SRPK2: variants seen among roughly 807,000 people sequenced by gnomAD.
The protein encoded by SRPK2 is SFRS protein kinase 2.
A neutral mutation model predicts 90.8 loss-of-function variants in SRPK2; 21 were observed. The ratio of observed to expected loss-of-function variants is 0.23; its 90% CI spans 0.16 to 0.33. The LOEUF is 0.33. Among genes scored for constraint, SRPK2 ranks in the 10% least tolerant of loss-of-function variants. SRPK2 has a pLI of 1.00. For synonymous variants in SRPK2, 288 were observed against 311.1 expected (o/e 0.93, Z 0.78); for missense variants, 620 against 869.0 (o/e 0.71, Z 3.60).
In SRPK2 at chr7:105,117,696, AAAC is replaced by A. The variant is rs759888264; in HGVS notation, c.*139_*141del. The A allele has an allele frequency of 3.3e-6, 3 of 907,722 alleles. No homozygotes were observed. The highest frequency in any genetic ancestry group is 4.9e-6 in the Non-Finnish European group (3 of 606,914). 56.2% of individuals were successfully genotyped at this position (907,722 alleles called of 1,614,324 possible). On this transcript the variant is annotated 3_prime_UTR_variant, in exon 16 of 16. Coordinates refer to ENST00000393651, the MANE Select transcript of SRPK2 (RefSeq NM_182692.3). ...CACAGTGCACAAAAAGCAAAATGTC[AAAC>A]AACAGTACCTCAAAGCAAAATAAAG...
intron 2 of SRPK2, among the ~76,000 whole-genome samples, chr7:105,345,526 T>C (rs754588922): frequency 3.3e-5 from 5 of 152,096 alleles, no homozygotes; most frequent in Admixed American, 6.6e-5. Flanking sequence ...AAAAAATTCA[T>C]TATAAGGAAA....
Position 105,372,004 on chromosome 7 carries a change from G to A in SRPK2, c.71+16644C>T, listed in dbSNP as rs186022164. Reference sequence around the variant, plus strand: ...AAAAAAATTAGCCAGGCGTGGTGGCGGGCGCCTGTAGTCCCAGTTACTCAG... The same window carrying A: ...AAAAAAATTAGCCAGGCGTGGTGGCAGGCGCCTGTAGTCCCAGTTACTCAG... On this transcript the variant is annotated intron_variant, in intron 2 of 15. Coordinates refer to ENST00000393651, the MANE Select transcript of SRPK2 (RefSeq NM_182692.3). Among the ~76,000 whole-genome samples, 429 of 151,994 alleles carry A rather than the reference G, an allele frequency of 2.8e-3. 10 individuals carry two copies. In the East Asian group the frequency reaches 0.055, roughly 19 times the overall value.
chr7:105,368,884 C>A (rs1819381012), intron 2 of SRPK2, among the ~76,000 whole-genome samples: 6 of 93,114 alleles, frequency 6.4e-5, no homozygotes, highest in African/African-American at 2.0e-4. Flanking sequence ...AACTCTATCT[C>A]AAAAAAAAAA....
At chr7:105,286,607 G>C (rs553504401) in intron 2 of SRPK2, among the ~76,000 whole-genome samples, 2 of 152,088 alleles carry the variant, frequency 1.3e-5, no homozygotes, top group African/African-American at 2.4e-5. Flanking sequence ...TCACTCTCTG[G>C]GGGTGGTAAC....
In SRPK2 at chr7:105,379,156, A is replaced by AT. The variant is rs750766068; in HGVS notation, c.71+9491_71+9492insA. Among the ~76,000 whole-genome samples the AT allele has an allele frequency of 2.9e-3, 437 of 150,402 alleles. 4 individuals are homozygous for AT. The highest frequency in any genetic ancestry group is 5.0e-3 in the South Asian group (24 of 4,794). On this transcript the variant is annotated intron_variant, in intron 2 of 15. Coordinates refer to ENST00000393651, the MANE Select transcript of SRPK2 (RefSeq NM_182692.3). The stretch of plus-strand genomic sequence containing the variant: ...AAGCAAGACCCAGTCTCTAAAAAAA[A>AT]ATATATATATATATATAAAGTCAGC...
chr7:105,386,796 T>C (rs1821667712), intron 2 of SRPK2, among the ~76,000 whole-genome samples: 1 of 152,216 alleles, frequency 6.6e-6, no homozygotes, highest in South Asian at 2.1e-4. Context: ...AGTTATATAA[T>C]TGGGCTGGTC....
intron 2 of SRPK2, among the ~76,000 whole-genome samples, chr7:105,277,776 T>C (rs981152123): frequency 1.3e-5 from 2 of 152,186 alleles, no homozygotes; most frequent in Non-Finnish European, 2.9e-5. Context: ...CCCATCAAAA[T>C]CCTTTGTCAC....
At chr7:105,383,700 G>A (rs888023516) in intron 2 of SRPK2, among the ~76,000 whole-genome samples, 4 of 152,150 alleles carry the variant, frequency 2.6e-5, no homozygotes, top group African/African-American at 9.7e-5. Flanking sequence ...TTACAGGCAT[G>A]AGCCACCACG....
chr7:105,272,798 C>T (rs1409408189), intron 2 of SRPK2, among the ~76,000 whole-genome samples: 1 of 152,104 alleles, frequency 6.6e-6, no homozygotes, highest in Non-Finnish European at 1.5e-5. Context: ...AAAATTGAAC[C>T]CATAAACTTA....
At chr7:105,174,811 T>TA (rs1791620447) in intron 3 of SRPK2, among the ~76,000 whole-genome samples, 1 of 152,090 alleles carries the variant, frequency 6.6e-6, no homozygotes, top group Non-Finnish European at 1.5e-5. Flanking sequence ...TTTACCAAGA[T>TA]ATATAATGTA....
chr7:105,383,052 A>ATTTTTTTTTTTTTTTTT lies in SRPK2; in HGVS notation c.71+5595_71+5596insAAAAAAAAAAAAAAAAA, dbSNP rs1563315577. On this transcript the variant is annotated intron_variant, in intron 2 of 15. Transcript: ENST00000393651. ...AGTCTGAAATTATTTCAAAAGTAAA[A>ATTTTTTTTTTTTTTTTT]ATTTTTTTTTTTTTTTTTTTTTTTT... Among the ~76,000 whole-genome samples, 3 of 105,276 alleles carry ATTTTTTTTTTTTTTTTT rather than the reference A, an allele frequency of 2.8e-5. 1 individual carries two copies. Among genetic ancestry groups the ATTTTTTTTTTTTTTTTT allele is most frequent in the Non-Finnish European group, 1.8e-5 (1 of 55,650 alleles). The allele number at this position is 105,276 out of a possible 152,430, so 69.1% of individuals were successfully genotyped here. A position where few individuals can be genotyped will look rare whatever the true frequency, so the allele number is the denominator to read the frequency against.
intron 3 of SRPK2, among the ~76,000 whole-genome samples, chr7:105,192,705 A>T (rs1794454233): frequency 6.6e-6 from 1 of 152,144 alleles, no homozygotes; most frequent in Non-Finnish European, 1.5e-5. Flanking sequence ...CCATGCTAAC[A>T]TCTATTATTT....
intron 2 of SRPK2, among the ~76,000 whole-genome samples, chr7:105,227,893 CAAAAAAAAAAAA>C (rs566478716): frequency 2.4e-5 from 2 of 84,692 alleles, no homozygotes; most frequent in Non-Finnish European, 4.9e-5. Flanking sequence ...TATCATTCAG[CAAAAAAAAAAAA>C]AAAAAAAAAA....
intron 2 of SRPK2, among the ~76,000 whole-genome samples, chr7:105,237,693 T>C (rs752003069): frequency 6.6e-6 from 1 of 152,190 alleles, no homozygotes; most frequent in African/African-American, 2.4e-5. Context: ...AGCAGAGTTA[T>C]CACAAAGACC....
intron 3 of SRPK2, among the ~76,000 whole-genome samples, chr7:105,170,794 A>AAGGAAGGAAGGAAGGAAGGAC (rs1563024498): frequency 1.3e-5 from 1 of 74,508 alleles, no homozygotes; most frequent in Non-Finnish European, 2.5e-5. Flanking sequence ...GGAGGGAGGG[A>AAGGAAGGAAGGAAGGAAGGAC]GGGAGGGAGG....
chr7:105,361,312 A>T (rs935349628), intron 2 of SRPK2, among the ~76,000 whole-genome samples: 1 of 152,234 alleles, frequency 6.6e-6, no homozygotes, highest in Non-Finnish European at 1.5e-5. Context: ...CCACTGCTCA[A>T]TGAAATAAAA....
At chr7:105,360,840 G>C (rs920719938) in intron 2 of SRPK2, among the ~76,000 whole-genome samples, 7 of 151,984 alleles carry the variant, frequency 4.6e-5, no homozygotes, top group Non-Finnish European at 8.8e-5. Flanking sequence ...AATAGTAAGA[G>C]CTATTTATGA....
At chr7:105,275,733 G>A (rs1022509522) in intron 2 of SRPK2, among the ~76,000 whole-genome samples, 6 of 152,150 alleles carry the variant, frequency 3.9e-5, no homozygotes, top group African/African-American at 7.2e-5. Context: ...CCATGGGGTG[G>A]TGCTTCAAAG....
At chr7:105,139,486 G>GT (rs1244219889) in intron 11 of SRPK2, among the ~76,000 whole-genome samples, 1 of 152,212 alleles carries the variant, frequency 6.6e-6, no homozygotes, top group Non-Finnish European at 1.5e-5. Context: ...AGGAAATACA[G>GT]TATGTGTAGC....
Sources: allele counts gnomAD v4.1 joint callset (sites outside exome capture counted in the v4.1 genomes callset), GRCh38; gene constraint gnomAD v4.1.1; transcripts MANE v1.5; gene names NCBI Gene and HGNC (gene_info 2026-07-23, HGNC 2026-07-21).